The following WDR70 variants were observed in gnomAD, a reference collection of about 807,000 sequenced individuals.
WDR70 encodes the protein WD repeat domain 70.
Under a neutral mutation model 88.6 loss-of-function variants are expected in WDR70, and 53 were observed. That is an observed-to-expected ratio of 0.60 (90% CI 0.48 to 0.75). WDR70 has a LOEUF of 0.75. Ranked by LOEUF, WDR70 falls within the 30% of genes least tolerant of loss-of-function variation. WDR70 has a pLI of 0.00. For missense variants in WDR70, 610 were observed against 823.2 expected (o/e 0.74, Z 3.17); for synonymous variants, 280 against 270.0 (o/e 1.04, Z -0.36).
intron 9 of WDR70, among the ~76,000 whole-genome samples, chr5:37,546,929 AATT>A (rs1316435464): frequency 2.0e-5 from 3 of 152,064 alleles, no homozygotes; most frequent in African/African-American, 7.2e-5. Flanking sequence ...AAAAAAAAAA[AATT>A]ATGTATGTGT....
intron 4 of WDR70, among the ~76,000 whole-genome samples, chr5:37,393,336 A>G (rs1748905095): frequency 6.6e-6 from 1 of 152,124 alleles, no homozygotes; most frequent in Admixed American, 6.5e-5. Context: ...CACCGCGCCC[A>G]GCGTTATTAT....
At chr5:37,448,639 G>C (rs542415545) in intron 7 of WDR70, among the ~76,000 whole-genome samples, 1 of 152,180 alleles carries the variant, frequency 6.6e-6, no homozygotes, top group Admixed American at 6.5e-5. Context: ...ACTTCACCCA[G>C]TTTTTCTTAT....
intron 9 of WDR70, among the ~76,000 whole-genome samples, chr5:37,530,656 A>AT (rs58165984): frequency 1.4e-5 from 2 of 148,066 alleles, no homozygotes; most frequent in Non-Finnish European, 1.5e-5. Context: ...AATATCTCCC[A>AT]TTTTTTTTCT....
intron 8 of WDR70, among the ~76,000 whole-genome samples, chr5:37,500,481 A>G (rs959143909): frequency 6.6e-5 from 10 of 152,166 alleles, no homozygotes; most frequent in African/African-American, 2.4e-4. Context: ...ATCGAACGGT[A>G]GATTTACTTC....
intron 9 of WDR70, among the ~76,000 whole-genome samples, chr5:37,571,232 A>G (rs1035287064): frequency 1.3e-5 from 2 of 152,216 alleles, no homozygotes; most frequent in Non-Finnish European, 2.9e-5. Flanking sequence ...GAACTTTATC[A>G]TATACTCTTT....
chr5:37,630,438 G>A (rs1229725492), intron 10 of WDR70, among the ~76,000 whole-genome samples: 1 of 152,136 alleles, frequency 6.6e-6, no homozygotes, highest in Non-Finnish European at 1.5e-5. Flanking sequence ...GGAGGGAAGA[G>A]GGCACTGTGT....
intron 5 of WDR70, among the ~76,000 whole-genome samples, chr5:37,435,318 A>G (rs1325370011): frequency 6.6e-6 from 1 of 152,178 alleles, no homozygotes; most frequent in African/African-American, 2.4e-5. Context: ...TGTAAGTAGA[A>G]CATTTCAAGT....
At chr5:37,747,588 T>TCAGC (rs1748669553) in intron 17 of WDR70, among the ~76,000 whole-genome samples, 2 of 152,138 alleles carry the variant, frequency 1.3e-5, no homozygotes, top group Non-Finnish European at 2.9e-5. Flanking sequence ...TGAAAACTGA[T>TCAGC]ACAAGACAAG....
chr5:37,748,975 G>A (rs1748717085), intron 17 of WDR70, among the ~76,000 whole-genome samples: 1 of 152,208 alleles, frequency 6.6e-6, no homozygotes, highest in Admixed American at 6.5e-5. Context: ...TGGCAAGGCT[G>A]TGGAGAAATA....
intron 8 of WDR70, among the ~76,000 whole-genome samples, chr5:37,497,059 A>T (rs1740238565): frequency 6.6e-6 from 1 of 152,220 alleles, no homozygotes; most frequent in African/African-American, 2.4e-5. Context: ...TTCCTTGCTC[A>T]GAGGCAGATA....
At chr5:37,478,464 A>G (rs572315760) in intron 7 of WDR70, among the ~76,000 whole-genome samples, 2 of 152,346 alleles carry the variant, frequency 1.3e-5, no homozygotes, top group South Asian at 2.1e-4. Flanking sequence ...CAACTCTCCC[A>G]GGTCAGGTTT....
intron 9 of WDR70, among the ~76,000 whole-genome samples, chr5:37,525,137 C>T (rs1397931864): frequency 6.6e-6 from 1 of 152,204 alleles, no homozygotes; most frequent in African/African-American, 2.4e-5. Context: ...ACCTTATAGA[C>T]ATCTACAGAA....
intron 8 of WDR70, among the ~76,000 whole-genome samples, chr5:37,488,077 C>CT (rs34361001): frequency 0.28 from 35,043 of 126,238 alleles, 4,971 homozygotes; most frequent in East Asian, 0.46. Flanking sequence ...TCTTGGGTGG[C>CT]TTTTTTTTTT....
chr5:37,482,161 T>C (rs544691511), intron 8 of WDR70, among the ~76,000 whole-genome samples: 41 of 152,278 alleles, frequency 2.7e-4, no homozygotes, highest in Admixed American at 1.1e-3. Flanking sequence ...TCCTATCCTC[T>C]TCTGAGCCTT....
At chr5:37,735,105 T>A (rs1748262582) in intron 17 of WDR70, among the ~76,000 whole-genome samples, 1 of 152,150 alleles carries the variant, frequency 6.6e-6, no homozygotes, top group South Asian at 2.1e-4. Flanking sequence ...CCTTAATTTT[T>A]CTCTCTTTTC....
intron 13 of WDR70, among the ~76,000 whole-genome samples, chr5:37,706,343 G>T (rs1226301889): frequency 1.3e-5 from 2 of 152,078 alleles, no homozygotes; most frequent in Non-Finnish European, 2.9e-5. Context: ...TAGTCTAATT[G>T]CATTTCCTCA....
At chr5:37,695,740 C>T (rs1377657612) in intron 10 of WDR70, among the ~76,000 whole-genome samples, 1 of 152,152 alleles carries the variant, frequency 6.6e-6, no homozygotes, top group Non-Finnish European at 1.5e-5. Context: ...CACCTGCAAT[C>T]CAAGATAATC....
At chr5:37,615,426 A>AG (rs1744310300) in intron 10 of WDR70, among the ~76,000 whole-genome samples, 1 of 152,222 alleles carries the variant, frequency 6.6e-6, no homozygotes, top group Admixed American at 6.5e-5. Flanking sequence ...GGAATACAAT[A>AG]GGAAACATGT....
intron 7 of WDR70, among the ~76,000 whole-genome samples, chr5:37,474,458 A>G (rs1476405781): frequency 6.6e-6 from 1 of 151,976 alleles, no homozygotes; most frequent in Admixed American, 6.6e-5. Context: ...TTAGTTTTGT[A>G]ATTTTTTGCT....
Sources: allele counts gnomAD v4.1 joint callset (sites outside exome capture counted in the v4.1 genomes callset), GRCh38; gene constraint gnomAD v4.1.1; transcripts MANE v1.5; gene names NCBI Gene and HGNC (gene_info 2026-07-23, HGNC 2026-07-21).